LRRN1: variants seen among roughly 807,000 people sequenced by gnomAD.
LRRN1 encodes leucine-rich repeat neuronal protein 1.
A neutral mutation model predicts 45.8 loss-of-function variants in LRRN1; 14 were observed. The observed-to-expected ratio is 0.31, with a 90% CI of 0.20 to 0.48. The LOEUF is 0.48. Among genes scored for constraint, LRRN1 ranks in the 20% least tolerant of loss-of-function variants. The pLI is 0.99. For synonymous variants in LRRN1, 359 were observed against 330.1 expected (o/e 1.09, Z -0.95); for missense variants, 789 against 874.2 (o/e 0.90, Z 1.23).
Position 3,834,532 on chromosome 3 carries a change from A to ATATATATATATATATATATATATAT in LRRN1, c.-278-9811_-278-9810insATATTATATATATATATATATATAT, listed in dbSNP as rs1178615900. 2.9e-5 allele frequency among the ~76,000 whole-genome samples: 3 copies of ATATATATATATATATATATATATAT among 103,676 alleles called. 1 individual carries two copies. Among genetic ancestry groups the ATATATATATATATATATATATATAT allele is most frequent in the Non-Finnish European group, 5.9e-5 (3 of 50,450 alleles). The allele number at this position is 103,676 out of a possible 152,430, so 68.0% of individuals were successfully genotyped here. On this transcript the variant is annotated intron_variant, in intron 1 of 1. Transcript: ENST00000319331. ...CTTAGAGGGACAGAACAGGATATATATATATATATATATATATATATGATA... is the reference window on the plus strand; with the variant it reads ...CTTAGAGGGACAGAACAGGATATATATATATATATATATATATATATATATTATATATATATATATATATATGATA...
chr3:3,846,948 G>C lies in LRRN1; in HGVS notation c.*156G>C. On this transcript the variant is annotated 3_prime_UTR_variant, in exon 2 of 2. Transcript: ENST00000319331. This position sits in a 1 kb window ranked among gnomAD's most constrained non-coding sequence, Gnocchi z 5.7. The stretch of plus-strand genomic sequence containing the variant: ...GGATATTTCAAATTTTTTTAGTATA[G>C]CGTATCGCAAGGGTTTGACACGGCT... 2 of 611,402 alleles carry C rather than the reference G, an allele frequency of 3.3e-6. No individual in the cohort carries two copies. The highest frequency in any genetic ancestry group is 3.4e-5 in the Admixed American group (1 of 29,610). 37.9% of individuals were successfully genotyped at this position (611,402 alleles called of 1,614,324 possible).
At chr3:3,818,600 G>A (rs1369859627) in intron 1 of LRRN1, among the ~76,000 whole-genome samples, 1 of 152,180 alleles carries the variant, frequency 6.6e-6, no homozygotes, top group Non-Finnish European at 1.5e-5. Flanking sequence ...AGAATCTTGG[G>A]TTTAAAAGGG....
chr3:3,846,921 G>A lies in LRRN1; in HGVS notation c.*129G>A, dbSNP rs527772641. The A allele has an allele frequency of 3.7e-5, 28 of 765,762 alleles. No individual in the cohort carries two copies. The East Asian group carries it at 7.1e-4, about 20-fold the overall frequency. The allele number at this position is 765,762 out of a possible 1,614,324, so 47.4% of individuals were successfully genotyped here. A position where few individuals can be genotyped will look rare whatever the true frequency, so the allele number is the denominator to read the frequency against. On this transcript the variant is annotated 3_prime_UTR_variant, in exon 2 of 2. Coordinates refer to ENST00000319331, the MANE Select transcript of LRRN1 (RefSeq NM_020873.7). The surrounding 1 kb of genome is among the most constrained non-coding windows in gnomAD (Gnocchi z 5.7). Reference sequence around the variant, plus strand: ...GTTTGTGGCAGAGTGGAGAGGACGGGTGGATATTTCAAATTTTTTTAGTAT... The same window carrying A: ...GTTTGTGGCAGAGTGGAGAGGACGGATGGATATTTCAAATTTTTTTAGTAT...
At chr3:3,835,064 G>A (rs145074951) in intron 1 of LRRN1, among the ~76,000 whole-genome samples, 57 of 152,212 alleles carry the variant, frequency 3.7e-4, no homozygotes, top group African/African-American at 7.2e-4. Flanking sequence ...TTACATGTAT[G>A]AACCATATAT....
intron 1 of LRRN1, among the ~76,000 whole-genome samples, chr3:3,803,338 ACCATAAGTAGG>A (rs2106448892): frequency 6.6e-6 from 1 of 152,306 alleles, no homozygotes; most frequent in Non-Finnish European, 1.5e-5. Flanking sequence ...TTTTTATACC[ACCATAAGTAGG>A]CCATAAGTCA....
intron 1 of LRRN1, among the ~76,000 whole-genome samples, chr3:3,819,996 C>T (rs1693070306): frequency 6.6e-6 from 1 of 152,176 alleles, no homozygotes; most frequent in Admixed American, 6.5e-5. Context: ...GAAGCCTATG[C>T]TCATTCTCGT....
chr3:3,846,633 A>T lies in LRRN1; in HGVS notation c.1992A>T (p.Ser664=). The change falls in exon 2 of 2, where the codon TCA becomes TCT. Residue 664 remains serine, a synonymous_variant. Coordinates refer to ENST00000319331, the MANE Select transcript of LRRN1 (RefSeq NM_020873.7). The surrounding 1 kb of genome is among the most constrained non-coding windows in gnomAD (Gnocchi z 5.7). ...TTAAGAGAAAAAACTACCACCACTC[A>T]TTAAAAAAGTATATGCAAAAAACCT... ...KRFKRKNYHH[S]LKKYMQKTSS... 1 of 1,614,090 alleles carries T rather than the reference A, an allele frequency of 6.2e-7. No individual in the cohort carries two copies. The highest frequency in any genetic ancestry group is 8.5e-7 in the Non-Finnish European group (1 of 1,179,994).
At chr3:3,824,258 T>G (rs1314090518) in intron 1 of LRRN1, among the ~76,000 whole-genome samples, 1 of 152,128 alleles carries the variant, frequency 6.6e-6, no homozygotes, top group Non-Finnish European at 1.5e-5. Flanking sequence ...ACTAGTAGAG[T>G]TAGTTACATT....
At chr3:3,812,958 T>C (rs1277953696) in intron 1 of LRRN1, among the ~76,000 whole-genome samples, 2 of 152,204 alleles carry the variant, frequency 1.3e-5, no homozygotes, top group African/African-American at 4.8e-5. Flanking sequence ...AACCTTTTTC[T>C]CCCTGTACTA....
In LRRN1 at chr3:3,847,563, CGTG is replaced by C. The variant is rs1693805520; in HGVS notation, c.*775_*777del. On this transcript the variant is annotated 3_prime_UTR_variant, in exon 2 of 2. Coordinates refer to ENST00000319331, the MANE Select transcript of LRRN1 (RefSeq NM_020873.7). Reference sequence around the variant, plus strand: ...GTTTGTTGTGTTTAACTCACCAACACGTGGTGTATAATGAAGACAGAACTATAA... The same window carrying C: ...GTTTGTTGTGTTTAACTCACCAACACGTGTATAATGAAGACAGAACTATAA... 1 of 166,886 alleles carries C rather than the reference CGTG, an allele frequency of 6.0e-6. No homozygotes were observed. Among genetic ancestry groups the C allele is most frequent in the Admixed American group, 6.5e-5 (1 of 15,274 alleles). 10.3% of individuals were successfully genotyped at this position (166,886 alleles called of 1,614,324 possible).
intron 1 of LRRN1, among the ~76,000 whole-genome samples, chr3:3,829,303 A>G (rs1693312263): frequency 6.6e-6 from 1 of 152,116 alleles, no homozygotes; most frequent in South Asian, 2.1e-4. Flanking sequence ...GCAATCTTCC[A>G]GTTTCATGGA....
intron 1 of LRRN1, among the ~76,000 whole-genome samples, chr3:3,836,816 C>T (rs143666278): frequency 1.4e-3 from 217 of 152,220 alleles, no homozygotes; most frequent in South Asian, 2.5e-3. Flanking sequence ...CTGTCTGTCC[C>T]CTGTTGCTGG....
At chr3:3,810,183 T>A (rs1014377454) in intron 1 of LRRN1, among the ~76,000 whole-genome samples, 4 of 152,184 alleles carry the variant, frequency 2.6e-5, no homozygotes, top group Admixed American at 1.3e-4. Flanking sequence ...CTGAAAATAT[T>A]ATAATGCCCC....
At chr3:3,817,682 T>C (rs1340528959) in intron 1 of LRRN1, among the ~76,000 whole-genome samples, 1 of 151,352 alleles carries the variant, frequency 6.6e-6, no homozygotes, top group Non-Finnish European at 1.5e-5. Context: ...CTTAAGGACA[T>C]TGGATGTTAG....
intron 1 of LRRN1, among the ~76,000 whole-genome samples, chr3:3,800,462 G>GGTAT (rs928098164): frequency 7.9e-5 from 12 of 152,176 alleles, no homozygotes; most frequent in African/African-American, 2.9e-4. Flanking sequence ...AGGGGCAAGG[G>GGTAT]GTATAATTGA....
chr3:3,838,062 A>G (rs1331485096), intron 1 of LRRN1, among the ~76,000 whole-genome samples: 2 of 152,126 alleles, frequency 1.3e-5, no homozygotes, highest in East Asian at 1.9e-4. Context: ...AAAGGACATG[A>G]TCTTGTTTCT....
In LRRN1 at chr3:3,799,444, G is replaced by T. The variant is rs1018812209; in HGVS notation, c.-754G>T. On this transcript the variant is annotated 5_prime_UTR_variant, in exon 1 of 2. Coordinates refer to ENST00000319331, the MANE Select transcript of LRRN1 (RefSeq NM_020873.7). ...GCCGGCTGCGGGGAGCACAAAGCGG[G>T]GCGCACCGCGGGCGCCGGCAACGAG... The T allele has an allele frequency of 6.6e-6, 1 of 151,922 alleles. No individual in the cohort carries two copies. The highest frequency in any genetic ancestry group is 1.5e-5 in the Non-Finnish European group (1 of 67,954). 9.4% of individuals were successfully genotyped at this position (151,922 alleles called of 1,614,324 possible).
chr3:3,841,290 C>CAAAAA lies in LRRN1; in HGVS notation c.-278-3060_-278-3056dup, dbSNP rs60477471. Among the ~76,000 whole-genome samples the CAAAAA allele has an allele frequency of 1.9e-3, 238 of 123,166 alleles. 1 individual carries two copies. The highest frequency in any genetic ancestry group is 8.5e-3 in the Middle Eastern group (2 of 236). 80.8% of individuals were successfully genotyped at this position (123,166 alleles called of 152,430 possible). A position where few individuals can be genotyped will look rare whatever the true frequency, so the allele number is the denominator to read the frequency against. ...TGGGCGACAGAGCGAGACTTTGTCTCAAAAAAAAAAAAAAAAAATTAGTTG... is the reference window on the plus strand; with the variant it reads ...TGGGCGACAGAGCGAGACTTTGTCTCAAAAAAAAAAAAAAAAAAAAAAATTAGTTG... On this transcript the variant is annotated intron_variant, in intron 1 of 1. Transcript: ENST00000319331.
intron 1 of LRRN1, among the ~76,000 whole-genome samples, chr3:3,828,132 TTA>T (rs3043963): frequency 0.33 from 48,304 of 145,052 alleles, 10,046 homozygotes; most frequent in East Asian, 0.59. Context: ...AGGGACAGAA[TTA>T]TATATATATA....
Sources: gnomAD v4.1 joint callset for allele counts (sites outside exome capture counted in the v4.1 genomes callset) on GRCh38, gnomAD v4.1.1 for gene constraint, Gnocchi (gnomAD v3.1) non-coding constraint, MANE v1.5 for transcripts, NCBI Gene and HGNC (gene_info 2026-07-23, HGNC 2026-07-21) for gene names.